Variants in CUL5 observed in about 807,000 individuals in gnomAD.
CUL5 encodes cullin-5.
Under a neutral mutation model 108.8 loss-of-function variants are expected in CUL5, and 26 were observed. The ratio of observed to expected loss-of-function variants is 0.24; its 90% CI spans 0.18 to 0.33. CUL5 has a LOEUF of 0.33. Ranked by LOEUF, CUL5 falls within the 10% of genes least tolerant of loss-of-function variation. CUL5 has a pLI of 1.00. For missense variants in CUL5, 524 were observed against 909.2 expected (o/e 0.58, Z 5.45); for synonymous variants, 334 against 298.0 (o/e 1.12, Z -1.25).
chr11:108,072,393 A>C lies in CUL5; in HGVS notation c.936A>C (p.Lys312Asn). The part of the protein sequence containing the change: ...KVPNGIEPML[K>N]DLEEHIISAG... ...CTAATGGTATAGAGCCAATGTTGAA[A>C]GACTTGGAGGAACATATCATTAGTG... is the stretch of plus-strand genomic sequence containing the variant. Residue 312 changes from lysine (K) to asparagine (N), a missense_variant, in exon 9 of 19, where the codon AAA becomes AAC. Lys to Asn is a moderately conservative substitution (Grantham distance 94). Around this residue, in one of 8 missense-constraint regions of CUL5, gnomAD observed 170 missense variants for 305.1 expected, o/e 0.56. Coordinates refer to ENST00000393094, the MANE Select transcript of CUL5 (RefSeq NM_003478.6). The C allele has an allele frequency of 6.2e-7, 1 of 1,612,786 alleles. No homozygotes were observed.
intron 10 of CUL5, among the ~76,000 whole-genome samples, chr11:108,077,652 A>T (rs1863974840): frequency 6.6e-6 from 1 of 151,738 alleles, no homozygotes; most frequent in South Asian, 2.1e-4. Flanking sequence ...AAGAAAAAAA[A>T]TCTCACTTGA....
At chr11:108,013,461 C>G (rs543801156) in intron 1 of CUL5, among the ~76,000 whole-genome samples, 2 of 152,292 alleles carry the variant, frequency 1.3e-5, no homozygotes, top group African/African-American at 4.8e-5. Flanking sequence ...CTCCTGATAA[C>G]TAGTATTCTC....
intron 13 of CUL5, among the ~76,000 whole-genome samples, chr11:108,091,006 T>C (rs1864340882): frequency 6.6e-6 from 1 of 152,174 alleles, no homozygotes; most frequent in African/African-American, 2.4e-5. Context: ...AACTAATACA[T>C]ATTTACTACG....
At chr11:108,066,301 G>C (rs541908545) in intron 7 of CUL5, among the ~76,000 whole-genome samples, 4 of 151,898 alleles carry the variant, frequency 2.6e-5, no homozygotes, top group African/African-American at 9.7e-5. Context: ...CCAAGATCAC[G>C]CCACTGCACT....
intron 1 of CUL5, among the ~76,000 whole-genome samples, chr11:108,013,194 C>G (rs947312276): frequency 2.0e-5 from 3 of 152,108 alleles, no homozygotes; most frequent in African/African-American, 7.2e-5. Flanking sequence ...TTGGTCTTCT[C>G]TCTCTCAAAT....
intron 4 of CUL5, among the ~76,000 whole-genome samples, chr11:108,051,873 C>G (rs1316039290): frequency 6.6e-6 from 1 of 152,194 alleles, no homozygotes; most frequent in African/African-American, 2.4e-5. Context: ...GAAATTTGCA[C>G]TATTATTTTG....
chr11:108,018,904 G>A (rs188104425), intron 1 of CUL5, among the ~76,000 whole-genome samples: 71 of 152,120 alleles, frequency 4.7e-4, no homozygotes, highest in Middle Eastern at 3.4e-3. Context: ...GTGTGGTATT[G>A]GGCAAGTTAC....
At chr11:108,087,610 T>A (rs1275756998) in intron 11 of CUL5, among the ~76,000 whole-genome samples, 2 of 152,170 alleles carry the variant, frequency 1.3e-5, no homozygotes, top group Non-Finnish European at 2.9e-5. Context: ...AAAAATTTTT[T>A]AATTTGTGTA....
chr11:108,012,097 T>G (rs7930830), intron 1 of CUL5, among the ~76,000 whole-genome samples: 89,041 of 152,080 alleles, frequency 0.59, 27,824 homozygotes, highest in East Asian at 0.9. Flanking sequence ...AACCTTTCCA[T>G]GTAACTACTT....
At chr11:108,088,719 C>T in intron 12 of CUL5, 60 bp downstream of exon 12, 3 of 1,318,948 alleles carry the variant, frequency 2.3e-6, no homozygotes, top group Non-Finnish European at 3.1e-6. Flanking sequence ...TTGTGTTTTG[C>T]TTATAGGACT....
intron 12 of CUL5, among the ~76,000 whole-genome samples, 174 bp from the exon 13 acceptor site, chr11:108,089,318 T>TA (rs1864296441): frequency 6.6e-6 from 1 of 152,182 alleles, no homozygotes. Flanking sequence ...TGCTAACCTT[T>TA]AAAGTAGTGT....
intron 8 of CUL5, among the ~76,000 whole-genome samples, chr11:108,072,068 A>T (rs1420206628): frequency 3.9e-5 from 6 of 152,016 alleles, no homozygotes; most frequent in Admixed American, 3.9e-4. Flanking sequence ...GGTCCCAGCT[A>T]CTCAGGAGGC....
At chr11:108,080,148 T>G (rs1864040835) in intron 11 of CUL5, among the ~76,000 whole-genome samples, 1 of 151,034 alleles carries the variant, frequency 6.6e-6, no homozygotes, top group Admixed American at 6.7e-5. Context: ...TATATTTTCC[T>G]TTATGAAGGG....
At chr11:108,037,212 C>A (rs573146085) in intron 2 of CUL5, among the ~76,000 whole-genome samples, 1 of 152,104 alleles carries the variant, frequency 6.6e-6, no homozygotes, top group African/African-American at 2.4e-5. Flanking sequence ...AATGAGGTAG[C>A]CAATTTTCCT....
chr11:108,096,804 A>G (rs1166233992), intron 16 of CUL5, among the ~76,000 whole-genome samples: 1 of 151,838 alleles, frequency 6.6e-6, no homozygotes, highest in Non-Finnish European at 1.5e-5. Context: ...GACCTCAGGT[A>G]ATTTGCCCGC....
chr11:108,019,714 G>A (rs1862283384), intron 1 of CUL5, among the ~76,000 whole-genome samples: 1 of 151,910 alleles, frequency 6.6e-6, no homozygotes, highest in East Asian at 1.9e-4. Context: ...TTGGATAATA[G>A]GATAATAAAA....
chr11:108,035,263 G>A lies in CUL5; in HGVS notation c.134+1352G>A, dbSNP rs1862705435. ...AGCTTTTGGTAGGAACCACCAGTTG[G>A]GAATACTGTTAATCTCCATATCAGA... On this transcript the variant is annotated intron_variant, in intron 2 of 18. Coordinates refer to ENST00000393094, the MANE Select transcript of CUL5 (RefSeq NM_003478.6). Among the ~76,000 whole-genome samples the A allele has an allele frequency of 2.0e-5, 3 of 152,122 alleles. No homozygotes were observed. The South Asian group carries it at 6.2e-4, about 31-fold the overall frequency.
In CUL5 at chr11:108,068,476, G is replaced by T. The variant is rs546199503; in HGVS notation, c.781-1620G>T. ...AGGGACCACAGAAAATTCTTTATTC[G>T]GAAAATTTTAAGCATTTTTACAATG... On this transcript the variant is annotated intron_variant, in intron 7 of 18. Transcript: ENST00000393094. Among the ~76,000 whole-genome samples the T allele has an allele frequency of 1.1e-4, 17 of 151,816 alleles. No individual in the cohort carries two copies. In the South Asian group the frequency reaches 3.1e-3, roughly 28 times the overall value.
intron 8 of CUL5, among the ~76,000 whole-genome samples, chr11:108,071,968 G>C (rs935781881): frequency 1.3e-5 from 2 of 151,990 alleles, no homozygotes; most frequent in African/African-American, 4.8e-5. Flanking sequence ...TGTGAGCCCC[G>C]AAGTTTGAGA....
Sources: allele counts gnomAD v4.1 joint callset (sites outside exome capture counted in the v4.1 genomes callset), GRCh38; gene constraint gnomAD v4.1.1; regional missense constraint gnomAD v4.1.1; transcripts MANE v1.5; gene names NCBI Gene and HGNC (gene_info 2026-07-23, HGNC 2026-07-21).